Variants in VWF observed in about 807,000 individuals in gnomAD.
VWF encodes the protein Factor VIII related antigen.
Under a neutral mutation model 308.6 loss-of-function variants are expected in VWF, and 176 were observed. The ratio of observed to expected loss-of-function variants is 0.57; its 90% CI spans 0.50 to 0.65. VWF has a LOEUF of 0.65. VWF is among the 30% of genes least tolerant of loss of function. The pLI, the probability that VWF is intolerant of heterozygous loss-of-function variation, is 0.00. For missense variants in VWF, 3,146 were observed against 3,648.2 expected (o/e 0.86, Z 3.55); for synonymous variants, 1,385 against 1,443.4 (o/e 0.96, Z 0.92).
At chr12:6,085,222 A>T (rs1012804567) in intron 6 of VWF, among the ~76,000 whole-genome samples, 11 of 152,192 alleles carry the variant, frequency 7.2e-5, no homozygotes, top group African/African-American at 2.7e-4. Flanking sequence ...AGCTCTGGGG[A>T]TGGAAAGCAG....
chr12:6,044,847 G>T (rs1591881232), intron 17 of VWF, among the ~76,000 whole-genome samples: 1 of 152,130 alleles, frequency 6.6e-6, no homozygotes. Flanking sequence ...TTCCTAAATG[G>T]TTACAACTAA....
intron 6 of VWF, among the ~76,000 whole-genome samples, chr12:6,083,015 A>G (rs1944930815): frequency 6.6e-6 from 1 of 152,044 alleles, no homozygotes. Flanking sequence ...TCAACCCATC[A>G]CTTTCTTTTT....
Position 6,049,539 on chromosome 12 carries a change from A to C in VWF, c.2187-2722T>G, listed in dbSNP as rs562118379. Among the ~76,000 whole-genome samples, 232 of 152,354 alleles carry C rather than the reference A, an allele frequency of 1.5e-3. 2 individuals carry two copies. Among genetic ancestry groups the C allele is most frequent in the African/African-American group, 5.2e-3 (216 of 41,586 alleles). On this transcript the variant is annotated intron_variant, in intron 16 of 51. Coordinates refer to ENST00000261405, the MANE Select transcript of VWF (RefSeq NM_000552.5). ...TCCTTACCACTGAAACACAGAGGCC[A>C]CCATGACCTTCTGATCCCCAAATTC...
intron 5 of VWF, among the ~76,000 whole-genome samples, chr12:6,104,698 GA>G (rs901967970): frequency 8.5e-4 from 120 of 141,908 alleles, no homozygotes; most frequent in Middle Eastern, 3.5e-3. Context: ...CTCTGTCTCG[GA>G]AAAAAAAAAA....
At chr12:5,971,082 A>C (rs564834277) in intron 44 of VWF, among the ~76,000 whole-genome samples, 12 of 152,272 alleles carry the variant, frequency 7.9e-5, no homozygotes, top group African/African-American at 2.6e-4. Context: ...GAGTGGGGCA[A>C]TGGGGGGCTG....
intron 6 of VWF, among the ~76,000 whole-genome samples, chr12:6,092,913 C>T (rs2136497072): frequency 6.6e-6 from 1 of 152,062 alleles, no homozygotes; most frequent in African/African-American, 2.4e-5. Context: ...TTCATAGCTC[C>T]TCCCATAACC....
chr12:6,030,003 T>C (rs1944240874), intron 21 of VWF, among the ~76,000 whole-genome samples: 1 of 152,190 alleles, frequency 6.6e-6, no homozygotes, highest in Non-Finnish European at 1.5e-5. Flanking sequence ...TGCTCAGTGC[T>C]AGTGCTGGGA....
In VWF at chr12:5,953,489, C is replaced by A. The variant is rs1262360370; in HGVS notation, c.7986+7G>T. The stretch of plus-strand genomic sequence containing the variant: ...GTGAGGGAGCCCTGCATTCAGCTTG[C>A]TCCTACCTTCAGTGTCATGATCTGT... On this transcript the variant is annotated splice_region_variant and intron_variant, in intron 48 of 51. Coordinates refer to ENST00000261405, the MANE Select transcript of VWF (RefSeq NM_000552.5). The A allele has an allele frequency of 6.2e-7, 1 of 1,613,598 alleles. No homozygotes were observed. Among genetic ancestry groups the A allele is most frequent in the Non-Finnish European group, 8.5e-7 (1 of 1,179,482 alleles).
chr12:6,016,914 G>C (rs781097871), intron 28 of VWF, 44 bp from the exon 29 acceptor site: 2 of 1,591,564 alleles, frequency 1.3e-6, no homozygotes, highest in South Asian at 2.2e-5. Flanking sequence ...TGCCAGCAGG[G>C]ACAATGGCCA....
At chr12:5,972,853 G>GA (rs907494009) in intron 43 of VWF, among the ~76,000 whole-genome samples, 2 of 151,718 alleles carry the variant, frequency 1.3e-5, no homozygotes, top group East Asian at 1.9e-4. Flanking sequence ...TGCCATTAAA[G>GA]AAAAAAAACA....
chr12:6,117,670 C>T (rs1166747493), intron 3 of VWF, among the ~76,000 whole-genome samples: 1 of 152,174 alleles, frequency 6.6e-6, no homozygotes, highest in Non-Finnish European at 1.5e-5. Flanking sequence ...ACAAAATTAG[C>T]AGGGTGTGGT....
intron 5 of VWF, among the ~76,000 whole-genome samples, chr12:6,103,124 G>A (rs1392859145): frequency 3.9e-5 from 6 of 152,068 alleles, no homozygotes; most frequent in African/African-American, 1.2e-4. Flanking sequence ...TCAGGAGATT[G>A]AGACCATCCC....
rs113543473 is a variant in VWF at position 5,985,044 on chromosome 12, C to A, written c.6976+1G>T. Reference sequence around the variant, plus strand: ...AGACATCCCCCTGGTGGGACACATACCACACTCATACTCGGGGCAGCACTG... The same window carrying A: ...AGACATCCCCCTGGTGGGACACATAACACACTCATACTCGGGGCAGCACTG... On this transcript the variant is annotated splice_donor_variant, in intron 40 of 51. Coordinates refer to ENST00000261405, the MANE Select transcript of VWF (RefSeq NM_000552.5). LOFTEE classifies it high-confidence loss of function. The A allele has an allele frequency of 6.2e-7, 1 of 1,614,188 alleles. No homozygotes were observed. Among genetic ancestry groups the A allele is most frequent in the Middle Eastern group, 1.6e-4 (1 of 6,062 alleles).
chr12:6,062,856 ATTC>A (rs1944669517), intron 13 of VWF, 95 bp downstream of exon 13: 5 of 982,362 alleles, frequency 5.1e-6, no homozygotes, highest in Admixed American at 4.0e-5. Flanking sequence ...GGAGAAAGGA[ATTC>A]TTCTCCCACC....
chr12:5,971,529 C>T (rs1434226743), intron 44 of VWF, 70 bp downstream of exon 44: 9 of 1,290,946 alleles, frequency 7.0e-6, no homozygotes, highest in South Asian at 1.2e-5. Context: ...TGAGATGAAA[C>T]CAAGGTCAAC....
chr12:6,070,833 C>T (rs992912832), intron 10 of VWF, among the ~76,000 whole-genome samples: 2 of 152,172 alleles, frequency 1.3e-5, no homozygotes, highest in African/African-American at 4.8e-5. Context: ...ATTTGGTGAC[C>T]TGGTTTTCCG....
chr12:6,029,420 A>G lies in VWF; in HGVS notation c.2889T>C (p.Ile963=), dbSNP rs1944232580. The change falls in exon 22 of 52, where the codon ATT becomes ATC. Residue 963 remains isoleucine (I), a synonymous_variant. Coordinates refer to ENST00000261405, the MANE Select transcript of VWF (RefSeq NM_000552.5). ...CGGAGAGGGCTTTGCCCAGCAGCAG[A>G]ATGATGTACCGGCCAGACTCCACCA... ...FEVVESGRYI[I]LLLGKALSVV... is the part of the protein sequence containing the mutation. 6.2e-7 allele frequency: 1 copy of G among 1,614,130 alleles called. No individual in the cohort carries two copies. Among genetic ancestry groups the G allele is most frequent in the African/African-American group, 1.3e-5 (1 of 75,016 alleles).
chr12:5,985,149 G>C (rs1374418036), intron 39 of VWF, 30 bp from the exon 40 acceptor site: 1 of 1,607,832 alleles, frequency 6.2e-7, no homozygotes, highest in Non-Finnish European at 8.5e-7. Flanking sequence ...ACAAAAGTCA[G>C]AGAAATTAGT....
chr12:6,095,746 T>G lies in VWF; in HGVS notation c.533-162A>C, dbSNP rs1591914989. On this transcript the variant is annotated intron_variant, in intron 5 of 51. Transcript: ENST00000261405. The stretch of plus-strand genomic sequence containing the variant: ...TCCCAGGCTGGAGTGCAGCGGCTAT[T>G]CACAAGTGCAATCCCACTACTGAGC... The G allele has an allele frequency of 5.3e-6, 5 of 945,462 alleles. No individual in the cohort carries two copies. In the East Asian group the frequency reaches 1.4e-4, roughly 26 times the overall value. 58.6% of individuals were successfully genotyped at this position (945,462 alleles called of 1,614,324 possible).
Sources: allele counts gnomAD v4.1 joint callset (sites outside exome capture counted in the v4.1 genomes callset), GRCh38; gene constraint gnomAD v4.1.1; transcripts MANE v1.5; gene names NCBI Gene and HGNC (gene_info 2026-07-23, HGNC 2026-07-21).